The following BAZ2B variants were observed in gnomAD, a reference collection of about 807,000 sequenced individuals.
BAZ2B encodes bromodomain adjacent to zinc finger domain 2B.
BAZ2B carries 91 observed loss-of-function variants against 246.0 expected under a neutral mutation model. The observed-to-expected ratio is 0.37, with a 90% CI of 0.31 to 0.44. The LOEUF (loss-of-function observed/expected upper bound fraction) is 0.44, where lower values mean the gene tolerates loss of function less well. Among genes scored for constraint, BAZ2B ranks in the 20% least tolerant of loss-of-function variants. BAZ2B has a pLI of 1.00. For missense variants in BAZ2B, 2,332 were observed against 2,533.7 expected (o/e 0.92, Z 1.71); for synonymous variants, 855 against 860.0 (o/e 0.99, Z 0.10).
intron 2 of BAZ2B, among the ~76,000 whole-genome samples, chr2:159,535,245 G>A (rs2085829081): frequency 7.0e-6 from 1 of 143,350 alleles, no homozygotes; most frequent in African/African-American, 3.0e-5. Flanking sequence ...CACCTGGCTG[G>A]GCGCGGTGGC....
chr2:159,339,051 AAACTT>A (rs2066160407), intron 31 of BAZ2B, among the ~76,000 whole-genome samples: 1 of 152,178 alleles, frequency 6.6e-6, no homozygotes, highest in Non-Finnish European at 1.5e-5. Flanking sequence ...AAAATGGAAT[AAACTT>A]AAACATCTCT....
Position 159,337,763 on chromosome 2 carries a change from A to G in BAZ2B, c.5464T>C (p.Cys1822Arg), listed in dbSNP as rs2065909315. The change falls in exon 32 of 37, where the codon TGT becomes CGT. Residue 1822 changes from cysteine to arginine, a missense_variant. Coordinates refer to ENST00000392783, the MANE Select transcript of BAZ2B (RefSeq NM_013450.4). ...SASLQVKGWM[C>R]PEPASEREDL... is the part of the protein sequence containing the mutation. ...TCCCTTTCTGATGCAGGCTCTGGAC[A>G]CATCCAACCCTATATATCAAGAGAA... The G allele has an allele frequency of 1.9e-6, 3 of 1,613,654 alleles. No homozygotes were observed. Among genetic ancestry groups the G allele is most frequent in the Admixed American group, 3.3e-5 (2 of 59,974 alleles).
chr2:159,493,111 T>C (rs2080683853), intron 2 of BAZ2B, among the ~76,000 whole-genome samples: 1 of 152,180 alleles, frequency 6.6e-6, no homozygotes, highest in African/African-American at 2.4e-5. Context: ...CTCATTACAT[T>C]TCATTGCAAT....
chr2:159,473,581 G>A (rs2078115187), intron 3 of BAZ2B, among the ~76,000 whole-genome samples: 1 of 152,068 alleles, frequency 6.6e-6, no homozygotes, highest in African/African-American at 2.4e-5. Context: ...TCTGATTTTA[G>A]TTATTTCTTG....
chr2:159,575,482 C>T (rs1037112983), intron 1 of BAZ2B, among the ~76,000 whole-genome samples: 2 of 152,288 alleles, frequency 1.3e-5, no homozygotes, highest in South Asian at 4.1e-4. Context: ...TGGAGGAATT[C>T]ATTAAGTTGA....
intron 8 of BAZ2B, among the ~76,000 whole-genome samples, chr2:159,436,688 T>C (rs1254189456): frequency 3.3e-5 from 5 of 152,074 alleles, no homozygotes; most frequent in African/African-American, 7.2e-5. Context: ...GAGGTGGAGC[T>C]TGCAGTGAGC....
At chr2:159,605,608 AC>A (rs1693307028) in intron 1 of BAZ2B, among the ~76,000 whole-genome samples, 1 of 152,032 alleles carries the variant, frequency 6.6e-6, no homozygotes, top group African/African-American at 2.4e-5. Context: ...TAAAAAAAAA[AC>A]AGCTGGGCCC....
the BAZ2B span, among the ~76,000 whole-genome samples, chr2:159,685,149 TAAG>T: frequency 2.6e-5 from 4 of 152,190 alleles, no homozygotes; most frequent in African/African-American, 9.6e-5. Flanking sequence ...ATGCTTTTCA[TAAG>T]AAGAACAAAA....
At chr2:159,636,143 C>A in the BAZ2B span, among the ~76,000 whole-genome samples, 1 of 152,144 alleles carries the variant, frequency 6.6e-6, no homozygotes, top group Non-Finnish European at 1.5e-5. Context: ...ACTGCTCGAC[C>A]CCCAAATGGA....
intron 6 of BAZ2B, among the ~76,000 whole-genome samples, chr2:159,445,995 T>C (rs773280850): frequency 6.6e-6 from 1 of 152,018 alleles, no homozygotes; most frequent in South Asian, 2.1e-4. Context: ...GCACCTGTAG[T>C]CCCAGCTTCT....
intron 35 of BAZ2B, 115 bp downstream of exon 35, chr2:159,325,538 T>C: frequency 8.6e-7 from 1 of 1,157,276 alleles, no homozygotes; most frequent in Non-Finnish European, 1.2e-6. Context: ...ATTTATGCTT[T>C]ACATTTTTTT....
the BAZ2B span, among the ~76,000 whole-genome samples, chr2:159,641,355 T>C: frequency 8.5e-5 from 13 of 152,202 alleles, no homozygotes; most frequent in Admixed American, 7.9e-4. Flanking sequence ...TTGGGCCACA[T>C]GTATGTCTTC....
At chr2:159,560,673 G>A (rs780031929) in intron 1 of BAZ2B, among the ~76,000 whole-genome samples, 10 of 151,394 alleles carry the variant, frequency 6.6e-5, no homozygotes, top group Admixed American at 2.0e-4. Flanking sequence ...GACTACAGGC[G>A]CCCACCACCA....
chr2:159,487,555 C>T (rs1046602364), intron 2 of BAZ2B, among the ~76,000 whole-genome samples: 4 of 152,148 alleles, frequency 2.6e-5, no homozygotes, highest in Non-Finnish European at 5.9e-5. Context: ...CCACTGCCCA[C>T]GGTATCTTAA....
the BAZ2B span, among the ~76,000 whole-genome samples, chr2:159,666,306 C>A: frequency 7.2e-5 from 10 of 139,222 alleles, no homozygotes; most frequent in African/African-American, 2.4e-4. Flanking sequence ...GTCGCCCAGG[C>A]TAGAGTGCAA....
chr2:159,679,099 A>C, the BAZ2B span, among the ~76,000 whole-genome samples: 1 of 151,674 alleles, frequency 6.6e-6, no homozygotes, highest in African/African-American at 2.4e-5. Flanking sequence ...GGTGAAACCC[A>C]GTCTCTGCTA....
chr2:159,506,408 G>A (rs2082332317), intron 2 of BAZ2B, among the ~76,000 whole-genome samples: 1 of 152,076 alleles, frequency 6.6e-6, no homozygotes, highest in African/African-American at 2.4e-5. Context: ...TATCCACAAA[G>A]TTCCATTTCA....
chr2:159,617,419 A>T (rs1011811628), upstream of BAZ2B, among the ~76,000 whole-genome samples: 12 of 152,020 alleles, frequency 7.9e-5, 1 homozygote, highest in Non-Finnish European at 1.5e-5. Context: ...CCTAAAAACA[A>T]TTTTTTTAAA....
At chr2:159,405,722 AT>A (rs34199255) in intron 14 of BAZ2B, among the ~76,000 whole-genome samples, 105,211 of 151,826 alleles carry the variant, frequency 0.69, 38,094 homozygotes, top group Non-Finnish European at 0.82. Context: ...ATTTAAGTAC[AT>A]TTTTTTTCAC....
Sources: gnomAD v4.1 joint callset for allele counts (sites outside exome capture counted in the v4.1 genomes callset) on GRCh38, gnomAD v4.1.1 for gene constraint, MANE v1.5 for transcripts, NCBI Gene and HGNC (gene_info 2026-07-23, HGNC 2026-07-21) for gene names.